Variants in RAB10 observed in about 807,000 individuals in gnomAD.
RAB10 encodes RAB10, member RAS oncogene family.
Under a neutral mutation model 25.7 loss-of-function variants are expected in RAB10, and 5 were observed. The ratio of observed to expected loss-of-function variants is 0.19; its 90% CI spans 0.10 to 0.41. The LOEUF (loss-of-function observed/expected upper bound fraction) is 0.41, where lower values mean the gene tolerates loss of function less well. RAB10 is among the 10% of genes least tolerant of loss of function. The pLI is 1.00. For synonymous variants in RAB10, 89 were observed against 86.4 expected, an observed-to-expected ratio of 1.03 and a Z score of -0.16; for missense variants, 103 against 245.8, an observed-to-expected ratio of 0.42 and a Z score of 3.89.
chr2:26,099,865 C>T (rs1331039599), intron 2 of RAB10, among the ~76,000 whole-genome samples: 1 of 151,902 alleles, frequency 6.6e-6, no homozygotes, highest in African/African-American at 2.4e-5. Context: ...CATTCTAGAT[C>T]CCATTTTCAT....
intron 2 of RAB10, among the ~76,000 whole-genome samples, chr2:26,104,738 T>A (rs1667432703): frequency 8.0e-6 from 1 of 124,862 alleles, no homozygotes; most frequent in Non-Finnish European, 1.7e-5. Flanking sequence ...TTTGAGGTAA[T>A]TTTTTTTTTT....
chr2:26,072,223 C>T (rs991936337), intron 1 of RAB10, among the ~76,000 whole-genome samples: 2 of 152,108 alleles, frequency 1.3e-5, no homozygotes, highest in African/African-American at 2.4e-5. Context: ...TTGAGACCAT[C>T]CTGGCCAACA....
intron 1 of RAB10, among the ~76,000 whole-genome samples, chr2:26,036,102 T>G (rs1011777230): frequency 2.0e-5 from 3 of 152,208 alleles, no homozygotes; most frequent in Non-Finnish European, 2.9e-5. Flanking sequence ...TCCCTAGCAC[T>G]GTTTGCTTTT....
chr2:26,038,395 C>T (rs1665812042), intron 1 of RAB10, among the ~76,000 whole-genome samples: 1 of 151,344 alleles, frequency 6.6e-6, no homozygotes, highest in African/African-American at 2.4e-5. Context: ...GGTGTTTCAT[C>T]ATGTTGGTCA....
At chr2:26,088,642 C>G (rs1667036634) in intron 1 of RAB10, among the ~76,000 whole-genome samples, 1 of 152,118 alleles carries the variant, frequency 6.6e-6, no homozygotes, top group African/African-American at 2.4e-5. Flanking sequence ...TCTTGCGAAT[C>G]TTGCTCTGTC....
chr2:26,092,119 C>T (rs868092217), intron 1 of RAB10, among the ~76,000 whole-genome samples: 1 of 150,574 alleles, frequency 6.6e-6, no homozygotes, highest in Non-Finnish European at 1.5e-5. Flanking sequence ...TTGCAGTGAG[C>T]TGAGATAGTG....
intron 3 of RAB10, among the ~76,000 whole-genome samples, chr2:26,125,454 T>A (rs1011800629): frequency 4.0e-5 from 6 of 149,294 alleles, no homozygotes; most frequent in South Asian, 4.2e-4. Flanking sequence ...TTTTTTTTTT[T>A]AAATTTTTTC....
intron 3 of RAB10, among the ~76,000 whole-genome samples, chr2:26,124,644 G>A (rs1188041003): frequency 6.6e-6 from 1 of 151,714 alleles, no homozygotes; most frequent in Non-Finnish European, 1.5e-5. Flanking sequence ...TATTATTTTG[G>A]TGTATAGTTC....
intron 3 of RAB10, among the ~76,000 whole-genome samples, chr2:26,118,991 T>C (rs1263062511): frequency 6.6e-6 from 1 of 152,196 alleles, no homozygotes; most frequent in East Asian, 1.9e-4. Context: ...CATGTTGGCA[T>C]AAGAAAATGT....
At chr2:26,072,700 T>G (rs995256747) in intron 1 of RAB10, among the ~76,000 whole-genome samples, 2 of 152,188 alleles carry the variant, frequency 1.3e-5, no homozygotes, top group African/African-American at 4.8e-5. Context: ...CTTTGTATGC[T>G]TCATCAGCCA....
chr2:26,088,934 T>C (rs1667045824), intron 1 of RAB10, among the ~76,000 whole-genome samples: 1 of 151,982 alleles, frequency 6.6e-6, no homozygotes, highest in Non-Finnish European at 1.5e-5. Context: ...ATCTTCAGTT[T>C]TTCTTAGGTG....
At chr2:26,056,035 C>T (rs899068029) in intron 1 of RAB10, among the ~76,000 whole-genome samples, 2 of 151,968 alleles carry the variant, frequency 1.3e-5, no homozygotes, top group African/African-American at 4.8e-5. Context: ...GCTGGGATGA[C>T]AGGCACACAC....
intron 1 of RAB10, among the ~76,000 whole-genome samples, chr2:26,094,682 C>T (rs1667174598): frequency 6.6e-6 from 1 of 152,160 alleles, no homozygotes; most frequent in Non-Finnish European, 1.5e-5. Context: ...CCTCAGCCTC[C>T]CGAGTAGCTG....
At chr2:26,094,461 A>G (rs1394717627) in intron 1 of RAB10, among the ~76,000 whole-genome samples, 1 of 151,998 alleles carries the variant, frequency 6.6e-6, no homozygotes, top group African/African-American at 2.4e-5. Context: ...CATGTTGGCT[A>G]GGCTGGTCTC....
intron 2 of RAB10, among the ~76,000 whole-genome samples, chr2:26,106,430 T>C (rs1667464113): frequency 6.6e-6 from 1 of 152,128 alleles, no homozygotes; most frequent in African/African-American, 2.4e-5. Context: ...CAGACACAGA[T>C]TGAACTGTGG....
At chr2:26,106,808 C>T (rs6750681) in intron 2 of RAB10, among the ~76,000 whole-genome samples, 115,804 of 151,966 alleles carry the variant, frequency 0.76, 44,224 homozygotes, top group East Asian at 0.87. Flanking sequence ...TCTCTTGAAC[C>T]CGAAAGGCAG....
In RAB10 at chr2:26,099,609, C is replaced by T. The variant is rs1008563389; in HGVS notation, c.188+887C>T. Among the ~76,000 whole-genome samples, 15 of 127,028 alleles carry T rather than the reference C, an allele frequency of 1.2e-4. 1 individual carries two copies. Among genetic ancestry groups the T allele is most frequent in the South Asian group, 1.0e-3 (4 of 3,876 alleles). The allele number at this position is 127,028 out of a possible 152,430, so 83.3% of individuals were successfully genotyped here. On this transcript the variant is annotated intron_variant, in intron 2 of 5. Transcript: ENST00000264710. ...ATGCTGGAGAGCAGTGGCGCTATTT[C>T]GGCTCACTGCAAGCTCTACCTCCCA...
intron 5 of RAB10, among the ~76,000 whole-genome samples, chr2:26,128,656 A>G (rs1667951006): frequency 6.6e-6 from 1 of 152,192 alleles, no homozygotes; most frequent in Non-Finnish European, 1.5e-5. Context: ...CAGAATTGCT[A>G]TTCTGCCATA....
At chr2:26,072,554 AAAAAGAAAT>A (rs1666650009) in intron 1 of RAB10, among the ~76,000 whole-genome samples, 3 of 152,226 alleles carry the variant, frequency 2.0e-5, no homozygotes. Flanking sequence ...AAAAGAAGAA[AAAAAGAAAT>A]TACTTGCTGA....
Sources: allele counts gnomAD v4.1 joint callset (sites outside exome capture counted in the v4.1 genomes callset), GRCh38; gene constraint gnomAD v4.1.1; transcripts MANE v1.5; gene names NCBI Gene and HGNC (gene_info 2026-07-23, HGNC 2026-07-21).